The following SIRPG variants were observed in gnomAD, a reference collection of about 807,000 sequenced individuals.
SIRPG encodes signal-regulatory protein gamma.
SIRPG carries 38 observed loss-of-function variants against 35.7 expected under a neutral mutation model. The observed-to-expected ratio is 1.06, with a 90% CI of 0.82 to 1.40. The LOEUF (loss-of-function observed/expected upper bound fraction) is 1.40, where lower values mean the gene tolerates loss of function less well. SIRPG is among the 40% of genes most tolerant of loss of function. SIRPG has a pLI of 0.00. For synonymous variants in SIRPG, 215 were observed against 190.4 expected (o/e 1.13, Z -1.06); for missense variants, 519 against 483.0 (o/e 1.07, Z -0.70).
chr20:1,634,904 G>A (rs189437870), intron 4 of SIRPG, among the ~76,000 whole-genome samples: 1,960 of 151,714 alleles, frequency 0.013, 52 homozygotes, highest in African/African-American at 0.042. Context: ...TTAGTCGGGC[G>A]TGGTGGCGGG....
the SIRPG span, among the ~76,000 whole-genome samples, chr20:1,681,651 C>A: frequency 6.6e-6 from 1 of 151,590 alleles, no homozygotes; most frequent in Non-Finnish European, 1.5e-5. Context: ...GCCAACATGG[C>A]AAAACCCTGT....
chr20:1,685,123 C>T, the SIRPG span, among the ~76,000 whole-genome samples: 1 of 152,154 alleles, frequency 6.6e-6, no homozygotes, highest in African/African-American at 2.4e-5. Context: ...GGACAGGCAG[C>T]CTGTCTGTGG....
At chr20:1,660,279 G>A (rs546306897), upstream of SIRPG, among the ~76,000 whole-genome samples, 12 of 152,246 alleles carry the variant, frequency 7.9e-5, no homozygotes, top group South Asian at 2.5e-3. Context: ...AAGTATAATA[G>A]TAAGTTAGTA....
the SIRPG span, among the ~76,000 whole-genome samples, chr20:1,682,460 C>A: frequency 1.3e-5 from 2 of 152,084 alleles, no homozygotes; most frequent in Non-Finnish European, 1.5e-5. Flanking sequence ...TGAAAAAATT[C>A]AACATTTTTA....
the SIRPG span, chr20:1,665,459 C>A: frequency 6.6e-6 from 1 of 152,538 alleles, no homozygotes; most frequent in Admixed American, 6.5e-5. Context: ...CTCCGCTTAC[C>A]CCATCCAAAG....
the SIRPG span, among the ~76,000 whole-genome samples, chr20:1,678,429 T>C: frequency 1.3e-5 from 2 of 152,116 alleles, no homozygotes; most frequent in African/African-American, 2.4e-5. Context: ...GAGTTGAAAG[T>C]ATTACAACTA....
At chr20:1,683,175 T>A in the SIRPG span, among the ~76,000 whole-genome samples, 50 of 152,318 alleles carry the variant, frequency 3.3e-4, no homozygotes, top group Middle Eastern at 3.4e-3. Flanking sequence ...ATCAGAGAAA[T>A]GCAAATTAAA....
At chr20:1,672,602 T>A in the SIRPG span, among the ~76,000 whole-genome samples, 1 of 152,166 alleles carries the variant, frequency 6.6e-6, no homozygotes, top group Non-Finnish European at 1.5e-5. Flanking sequence ...AAACCAACTT[T>A]TTTGAAAATC....
At chr20:1,637,442 T>C (rs2091812749) in intron 2 of SIRPG, 1 of 167,962 alleles carries the variant, frequency 6.0e-6, no homozygotes, top group Non-Finnish European at 1.4e-5. Context: ...TGCCAGGCAA[T>C]GAACTGTTTT....
intron 2 of SIRPG, among the ~76,000 whole-genome samples, chr20:1,645,019 T>C (rs768854520): frequency 1.1e-4 from 17 of 152,158 alleles, no homozygotes; most frequent in Admixed American, 2.0e-4. Flanking sequence ...CATCTTGGTG[T>C]TTTGAGGCAG....
the SIRPG span, among the ~76,000 whole-genome samples, chr20:1,677,951 G>C: frequency 3.9e-5 from 6 of 152,124 alleles, no homozygotes. Context: ...CACATGCAGA[G>C]TAACTGTGAG....
the SIRPG span, among the ~76,000 whole-genome samples, chr20:1,685,402 G>A: frequency 6.6e-6 from 1 of 151,968 alleles, no homozygotes; most frequent in Non-Finnish European, 1.5e-5. Flanking sequence ...AATATGACTG[G>A]CGATCTCAGA....
At chr20:1,679,913 T>A in the SIRPG span, among the ~76,000 whole-genome samples, 7 of 152,152 alleles carry the variant, frequency 4.6e-5, no homozygotes, top group Non-Finnish European at 8.8e-5. Flanking sequence ...TTTGGGAGTG[T>A]TACCAAGACT....
At chr20:1,675,307 A>G in the SIRPG span, among the ~76,000 whole-genome samples, 13 of 152,156 alleles carry the variant, frequency 8.5e-5, no homozygotes, top group Non-Finnish European at 1.9e-4. Context: ...ACAGCACAAC[A>G]TGGGGGAAGA....
chr20:1,636,832 G>T (rs1333776385), intron 2 of SIRPG, among the ~76,000 whole-genome samples: 1 of 151,994 alleles, frequency 6.6e-6, no homozygotes, highest in Non-Finnish European at 1.5e-5. Flanking sequence ...GTATTAACTG[G>T]TGCTAGCCTG....
the SIRPG span, among the ~76,000 whole-genome samples, chr20:1,663,793 G>A: frequency 6.6e-6 from 1 of 152,270 alleles, no homozygotes; most frequent in African/African-American, 2.4e-5. Context: ...GTTGCAGATT[G>A]TCAGAAACAA....
the SIRPG span, chr20:1,666,562 C>T: frequency 6.6e-6 from 1 of 152,206 alleles, no homozygotes; most frequent in African/African-American, 2.4e-5. Flanking sequence ...TGAAAACTGT[C>T]ATACTGATCA....
chr20:1,654,636 G>T (rs564488783), intron 1 of SIRPG, among the ~76,000 whole-genome samples: 11 of 152,166 alleles, frequency 7.2e-5, no homozygotes, highest in South Asian at 2.1e-4. Flanking sequence ...TACATTTTTG[G>T]ATTTGAGCCC....
chr20:1,668,165 C>CTTTCTTTCTGTCTTTCT, the SIRPG span, among the ~76,000 whole-genome samples: 2 of 102,200 alleles, frequency 2.0e-5, no homozygotes, highest in Non-Finnish European at 4.1e-5. Flanking sequence ...CTTTTCTTTT[C>CTTTCTTTCTGTCTTTCT]TTTTCTTTTC....
Sources: gnomAD v4.1 joint callset for allele counts (sites outside exome capture counted in the v4.1 genomes callset) on GRCh38, gnomAD v4.1.1 for gene constraint, MANE v1.5 for transcripts, NCBI Gene and HGNC (gene_info 2026-07-23, HGNC 2026-07-21) for gene names.